Variants in KIF6 observed in about 807,000 individuals in gnomAD.
The protein encoded by KIF6 is kinesin family member 6.
In KIF6, 106 loss-of-function variants were observed where a neutral mutation model predicts 112.7. The ratio of observed to expected loss-of-function variants is 0.94; its 90% confidence interval spans 0.80 to 1.11. The LOEUF is 1.11. Ranked by LOEUF, KIF6 falls within the 50% of genes least tolerant of loss-of-function variation. The probability of loss-of-function intolerance (pLI) is 0.00; values close to 1 mark genes in which losing one functional copy is unlikely to be tolerated. For missense variants in KIF6, 929 were observed against 964.0 expected (o/e 0.96, Z 0.48); for synonymous variants, 339 against 339.9 (o/e 1.00, Z 0.03).
At chr6:39,573,539 G>T (rs73424503) in intron 10 of KIF6, among the ~76,000 whole-genome samples, 2,808 of 152,208 alleles carry the variant, frequency 0.018, 76 homozygotes, top group African/African-American at 0.061. Flanking sequence ...TACTACTTTT[G>T]TGAAACTGTA....
chr6:39,676,109 C>A (rs189114989), intron 3 of KIF6, among the ~76,000 whole-genome samples: 1 of 147,172 alleles, frequency 6.8e-6, no homozygotes, highest in African/African-American at 2.5e-5. Flanking sequence ...TGGTGACAGA[C>A]ATGAATCCTC....
intron 13 of KIF6, among the ~76,000 whole-genome samples, chr6:39,519,904 C>T (rs1777291049): frequency 6.6e-6 from 1 of 152,078 alleles, no homozygotes; most frequent in African/African-American, 2.4e-5. Flanking sequence ...TATCTGTAGT[C>T]CCAGCTACTC....
chr6:39,380,422 G>A (rs1180311250), intron 16 of KIF6, among the ~76,000 whole-genome samples: 1 of 152,246 alleles, frequency 6.6e-6, no homozygotes, highest in African/African-American at 2.4e-5. Flanking sequence ...TTCGGTAGAT[G>A]TTTATGTTTC....
At position 39,342,948 on chromosome 6, in the gene KIF6, C is replaced by T. The variant is rs979255171; in HGVS notation, c.2428+761G>A. 6.9e-5 allele frequency: 68 copies of T among 985,426 alleles called. No individual in the cohort carries two copies. In the African/African-American group the frequency reaches 1.1e-3, roughly 16 times the overall value. The allele number at this position is 985,426 out of a possible 1,614,324, so 61.0% of individuals were successfully genotyped here. ...CCAGCCCATACCATCACGGTGGGGG[C>T]GCCTTTCTGGCAATGTGAAGGCAAT... On this transcript the variant is annotated intron_variant, in intron 22 of 22. Transcript: ENST00000287152. This position sits in a 1 kb window ranked among gnomAD's most constrained non-coding sequence, Gnocchi z 4.7.
chr6:39,644,623 A>G (rs547133947), intron 3 of KIF6, among the ~76,000 whole-genome samples: 64 of 115,050 alleles, frequency 5.6e-4, no homozygotes, highest in African/African-American at 2.3e-3. Flanking sequence ...CCATAGAGAT[A>G]GAAAGTAGGT....
At chr6:39,658,110 A>T (rs1175489485) in intron 3 of KIF6, among the ~76,000 whole-genome samples, 1 of 152,204 alleles carries the variant, frequency 6.6e-6, no homozygotes, top group Non-Finnish European at 1.5e-5. Context: ...TAACTTACCC[A>T]TTTTATGTAT....
At chr6:39,657,448 G>C (rs575885026) in intron 3 of KIF6, among the ~76,000 whole-genome samples, 1 of 152,054 alleles carries the variant, frequency 6.6e-6, no homozygotes, top group East Asian at 1.9e-4. Flanking sequence ...GAGTCATATA[G>C]AGTTCTGCTC....
chr6:39,499,224 T>C (rs937780549), intron 13 of KIF6, among the ~76,000 whole-genome samples: 2 of 151,826 alleles, frequency 1.3e-5, no homozygotes, highest in African/African-American at 4.8e-5. Context: ...ATAAGGGTAG[T>C]AGAGAGCCAG....
At chr6:39,431,395 C>G (rs1158963613) in intron 13 of KIF6, 1 of 383,356 alleles carries the variant, frequency 2.6e-6, no homozygotes, top group Admixed American at 4.4e-5. Flanking sequence ...CCATGTGACT[C>G]GTGGGGGGCG....
chr6:39,517,594 G>A (rs1314371166), intron 13 of KIF6, among the ~76,000 whole-genome samples: 1 of 152,198 alleles, frequency 6.6e-6, no homozygotes, highest in Non-Finnish European at 1.5e-5. Flanking sequence ...GAAGCAATGA[G>A]TCTGGGGATA....
chr6:39,619,668 T>C (rs188347541), intron 5 of KIF6, among the ~76,000 whole-genome samples: 40 of 152,238 alleles, frequency 2.6e-4, no homozygotes, highest in African/African-American at 8.9e-4. Flanking sequence ...GCTATGGACA[T>C]GTGAAGCCCA....
chr6:39,662,062 TAA>T (rs1455505667), intron 3 of KIF6, among the ~76,000 whole-genome samples: 40 of 152,362 alleles, frequency 2.6e-4, no homozygotes, highest in Middle Eastern at 3.4e-3. Flanking sequence ...AGAATATATT[TAA>T]GTGTACTTTT....
chr6:39,538,313 C>T (rs184014254), intron 13 of KIF6, among the ~76,000 whole-genome samples: 11,163 of 151,652 alleles, frequency 0.074, 485 homozygotes, highest in Middle Eastern at 0.15. Flanking sequence ...TCGCAACCTA[C>T]TCATCTGACA....
intron 10 of KIF6, 39 bp downstream of exon 10, chr6:39,578,017 C>A: frequency 7.4e-7 from 1 of 1,349,424 alleles, no homozygotes; most frequent in South Asian, 1.2e-5. Flanking sequence ...CACAAACTTT[C>A]ACTGTTAAAG....
At chr6:39,400,236 C>A (rs1768588732) in intron 15 of KIF6, among the ~76,000 whole-genome samples, 1 of 152,120 alleles carries the variant, frequency 6.6e-6, no homozygotes, top group South Asian at 2.1e-4. Context: ...TGTCACCCCT[C>A]CAGGAACAAG....
chr6:39,704,715 T>C (rs903125060), intron 3 of KIF6, among the ~76,000 whole-genome samples: 1 of 152,218 alleles, frequency 6.6e-6, no homozygotes. Context: ...GAACTGCACT[T>C]ATATGGCTCC....
At chr6:39,368,530 T>C (rs1011694386) in intron 16 of KIF6, among the ~76,000 whole-genome samples, 6 of 152,218 alleles carry the variant, frequency 3.9e-5, no homozygotes, top group Non-Finnish European at 8.8e-5. Flanking sequence ...GGTGTTGCTC[T>C]TTTCCATGAA....
chr6:39,350,132 C>G (rs1382150167), intron 19 of KIF6, among the ~76,000 whole-genome samples: 1 of 152,212 alleles, frequency 6.6e-6, no homozygotes, highest in Non-Finnish European at 1.5e-5. Context: ...GGAAACACAG[C>G]TTTACCCTTT....
At chr6:39,508,957 G>C (rs754276756) in intron 13 of KIF6, among the ~76,000 whole-genome samples, 7 of 152,146 alleles carry the variant, frequency 4.6e-5, no homozygotes, top group Non-Finnish European at 8.8e-5. Flanking sequence ...GCCTAACTGG[G>C]AGACACCTCC....
Sources: gnomAD v4.1 joint callset for allele counts (sites outside exome capture counted in the v4.1 genomes callset) on GRCh38, gnomAD v4.1.1 for gene constraint, Gnocchi (gnomAD v3.1) non-coding constraint, MANE v1.5 for transcripts, NCBI Gene and HGNC (gene_info 2026-07-23, HGNC 2026-07-21) for gene names.